Variants in OXCT1 observed in about 807,000 individuals in gnomAD.
OXCT1 encodes the protein succinyl-CoA:3-ketoacid coenzyme A transferase 1, mitochondrial.
A neutral mutation model predicts 69.6 loss-of-function variants in OXCT1; 27 were observed. That is an observed-to-expected ratio of 0.39 (90% CI 0.29 to 0.54). The LOEUF is 0.54. Ranked by LOEUF, OXCT1 falls within the 20% of genes least tolerant of loss-of-function variation. OXCT1 has a pLI of 0.72. For missense variants in OXCT1, 437 were observed against 650.2 expected, an observed-to-expected ratio of 0.67 and a Z score of 3.57; for synonymous variants, 202 against 217.8, an observed-to-expected ratio of 0.93 and a Z score of 0.64.
At position 41,767,015 on chromosome 5, in the gene OXCT1, T is replaced by C. The variant is rs191165213; in HGVS notation, c.1249-4815A>G. Among the ~76,000 whole-genome samples, 521 of 152,260 alleles carry C rather than the reference T, an allele frequency of 3.4e-3. 1 individual carries two copies. Among genetic ancestry groups the C allele is most frequent in the African/African-American group, 0.012 (492 of 41,564 alleles). On this transcript the variant is annotated intron_variant, in intron 13 of 16. Transcript: ENST00000196371. ...CCAAATGTAAGCCTCTTTATATCTG[T>C]CTTCCCCATTATTAAAAAATGCTCT...
chr5:41,767,934 A>G (rs1298335469), intron 13 of OXCT1, among the ~76,000 whole-genome samples: 1 of 151,568 alleles, frequency 6.6e-6, no homozygotes, highest in Non-Finnish European at 1.5e-5. Context: ...ATGTTGGCCA[A>G]ATTAACAGCT....
At chr5:41,840,348 C>T in intron 7 of OXCT1, 103 bp downstream of exon 7, 1 of 866,056 alleles carries the variant, frequency 1.2e-6, no homozygotes, top group Non-Finnish European at 1.9e-6. Context: ...AAAAAGCTGT[C>T]ATTGTTATCC....
At chr5:41,741,554 C>A (rs1288929632) in intron 15 of OXCT1, among the ~76,000 whole-genome samples, 2 of 152,178 alleles carry the variant, frequency 1.3e-5, no homozygotes, top group African/African-American at 4.8e-5. Context: ...GCAGTTTTTT[C>A]ACTTTTCACT....
chr5:41,868,820 G>A (rs1475372028), intron 1 of OXCT1, among the ~76,000 whole-genome samples: 1 of 152,134 alleles, frequency 6.6e-6, no homozygotes, highest in Non-Finnish European at 1.5e-5. Context: ...ACAGGGCTAA[G>A]TTTGAACTCT....
chr5:41,847,087 A>G (rs1748947050), intron 5 of OXCT1, among the ~76,000 whole-genome samples: 1 of 152,004 alleles, frequency 6.6e-6, no homozygotes, highest in African/African-American at 2.4e-5. Context: ...ATAAAAAATG[A>G]TAAAGGGGAT....
intron 14 of OXCT1, among the ~76,000 whole-genome samples, chr5:41,751,015 A>C (rs1743755496): frequency 6.6e-6 from 1 of 152,170 alleles, no homozygotes; most frequent in Non-Finnish European, 1.5e-5. Flanking sequence ...ATGTTTCCAG[A>C]TCTTACTGTA....
At chr5:41,753,464 T>C (rs1221061798) in intron 14 of OXCT1, among the ~76,000 whole-genome samples, 1 of 152,196 alleles carries the variant, frequency 6.6e-6, no homozygotes. Flanking sequence ...CTTTTGTTCA[T>C]GCTGCCTGTT....
At chr5:41,860,366 C>G (rs1435104918) in intron 3 of OXCT1, among the ~76,000 whole-genome samples, 1 of 152,022 alleles carries the variant, frequency 6.6e-6, no homozygotes, top group Non-Finnish European at 1.5e-5. Context: ...GGCTAAAAGT[C>G]TCTAAAGGAA....
At chr5:41,824,179 C>CTTAAAGTCT (rs1747696447) in intron 7 of OXCT1, among the ~76,000 whole-genome samples, 1 of 152,144 alleles carries the variant, frequency 6.6e-6, no homozygotes, top group Non-Finnish European at 1.5e-5. Context: ...ATTTTGTTAT[C>CTTAAAGTCT]TTAAAGTCTT....
intron 3 of OXCT1, 35 bp from the exon 4 acceptor site, chr5:41,853,589 A>T: frequency 6.2e-7 from 1 of 1,608,190 alleles, no homozygotes; most frequent in Non-Finnish European, 8.5e-7. Context: ...ACCAAAGAGC[A>T]TCTGACAGAA....
At chr5:41,869,579 G>A (rs1390186148) in intron 1 of OXCT1, among the ~76,000 whole-genome samples, 1 of 152,218 alleles carries the variant, frequency 6.6e-6, no homozygotes, top group Non-Finnish European at 1.5e-5. Flanking sequence ...CCCTAACCCG[G>A]ATACGAGGGG....
intron 16 of OXCT1, among the ~76,000 whole-genome samples, chr5:41,732,906 AAG>A (rs1742706300): frequency 6.6e-6 from 1 of 152,212 alleles, no homozygotes; most frequent in African/African-American, 2.4e-5. Flanking sequence ...TCATAGTATC[AAG>A]AGTTAATGTC....
chr5:41,853,674 A>T (rs1398336859), intron 3 of OXCT1, 120 bp from the exon 4 acceptor site: 1 of 1,122,880 alleles, frequency 8.9e-7, no homozygotes. Context: ...TAGGCATTTG[A>T]TCCACATTCT....
At chr5:41,748,382 T>C (rs1440696744) in intron 15 of OXCT1, among the ~76,000 whole-genome samples, 2 of 152,122 alleles carry the variant, frequency 1.3e-5, no homozygotes, top group African/African-American at 4.8e-5. Flanking sequence ...TCTGGAATTA[T>C]CTTTAGAAGG....
intron 7 of OXCT1, among the ~76,000 whole-genome samples, chr5:41,824,146 G>T (rs1228447669): frequency 6.6e-6 from 1 of 152,086 alleles, no homozygotes; most frequent in Non-Finnish European, 1.5e-5. Flanking sequence ...GAAATGTTTA[G>T]ATCTTAACTC....
At chr5:41,852,185 T>A (rs921632208) in intron 4 of OXCT1, among the ~76,000 whole-genome samples, 3 of 152,222 alleles carry the variant, frequency 2.0e-5, no homozygotes, top group East Asian at 1.9e-4. Flanking sequence ...CTGAGCAGAC[T>A]AAGACATCTT....
chr5:41,753,290 T>G (rs71590623), intron 14 of OXCT1, among the ~76,000 whole-genome samples: 5 of 124,618 alleles, frequency 4.0e-5, no homozygotes, highest in Non-Finnish European at 6.9e-5. Flanking sequence ...CACACACACA[T>G]AGACACACAC....
intron 10 of OXCT1, among the ~76,000 whole-genome samples, chr5:41,802,834 A>G (rs1372845488): frequency 6.6e-6 from 1 of 152,106 alleles, no homozygotes; most frequent in Non-Finnish European, 1.5e-5. Flanking sequence ...TAAATATTTT[A>G]TCATGATAAA....
intron 3 of OXCT1, among the ~76,000 whole-genome samples, chr5:41,859,907 TAC>T (rs3050897): frequency 0.014 from 1,873 of 138,426 alleles, 97 homozygotes; most frequent in South Asian, 0.076. Flanking sequence ...TATATATATA[TAC>T]ACACACACAC....
Sources: allele counts gnomAD v4.1 joint callset (sites outside exome capture counted in the v4.1 genomes callset), GRCh38; gene constraint gnomAD v4.1.1; transcripts MANE v1.5; gene names NCBI Gene and HGNC (gene_info 2026-07-23, HGNC 2026-07-21).